PDE7B: variants seen among roughly 807,000 people sequenced by gnomAD.
PDE7B encodes phosphodiesterase 7B, also known as 3',5'-cyclic-AMP phosphodiesterase 7B.
PDE7B carries 29 observed loss-of-function variants against 56.2 expected under a neutral mutation model. The observed-to-expected ratio is 0.52, with a 90% CI of 0.38 to 0.70. The LOEUF is 0.70. Ranked by LOEUF, PDE7B falls within the 30% of genes least tolerant of loss-of-function variation. The pLI is 0.00. For synonymous variants in PDE7B, 197 were observed against 196.9 expected (o/e 1.00, Z 0.00); for missense variants, 490 against 565.0 (o/e 0.87, Z 1.35).
intron 2 of PDE7B, among the ~76,000 whole-genome samples, chr6:136,005,672 T>A (rs200112382): frequency 6.6e-6 from 1 of 152,114 alleles, no homozygotes; most frequent in African/African-American, 2.4e-5. Context: ...CTCACACCAG[T>A]TAGAATGGCA....
chr6:136,071,148 G>A (rs1353272114), intron 2 of PDE7B: 3 of 151,980 alleles, frequency 2.0e-5, no homozygotes, highest in African/African-American at 7.3e-5. Flanking sequence ...TTGAACCTTC[G>A]ACCCACTCTT....
chr6:136,153,975 G>T, intron 6 of PDE7B, 100 bp from the exon 7 acceptor site: 3 of 710,288 alleles, frequency 4.2e-6, no homozygotes, highest in South Asian at 3.4e-5. Context: ...CATTTTGGAG[G>T]CACTGATATT....
At position 136,096,204 on chromosome 6, in the gene PDE7B, T is replaced by G. The variant is rs191867439; in HGVS notation, c.83-12527T>G. 5 of 152,368 alleles carry G rather than the reference T, an allele frequency of 3.3e-5. No homozygotes were observed. The East Asian group carries it at 9.6e-4, about 29-fold the overall frequency. The allele number at this position is 152,368 out of a possible 1,614,324, so 9.4% of individuals were successfully genotyped here. A position where few individuals can be genotyped will look rare whatever the true frequency, so the allele number is the denominator to read the frequency against. ...CAGCAGACTTGGTGTGGAAGTCTCC[T>G]AAGAACAGACTATCTCCTGGGACTT... is the stretch of plus-strand genomic sequence containing the variant. On this transcript the variant is annotated intron_variant, in intron 2 of 12. Coordinates refer to ENST00000308191, the MANE Select transcript of PDE7B (RefSeq NM_018945.4).
intron 4 of PDE7B, among the ~76,000 whole-genome samples, chr6:136,147,839 T>G (rs1057204957): frequency 6.6e-6 from 1 of 152,232 alleles, no homozygotes; most frequent in African/African-American, 2.4e-5. Flanking sequence ...AGGGAATAAC[T>G]AATTTTTTTA....
intron 1 of PDE7B, among the ~76,000 whole-genome samples, chr6:135,858,987 G>A (rs753872327): frequency 1.3e-5 from 2 of 151,588 alleles, no homozygotes; most frequent in African/African-American, 2.4e-5. Context: ...TGTACAGCTT[G>A]TGCAGTTATG....
At chr6:136,092,283 A>C (rs916054805) in intron 2 of PDE7B, among the ~76,000 whole-genome samples, 4 of 152,254 alleles carry the variant, frequency 2.6e-5, no homozygotes, top group African/African-American at 9.6e-5. Context: ...GGGTTTGGAC[A>C]TGAAGAACTA....
At chr6:135,975,903 G>A (rs1469598937) in intron 2 of PDE7B, among the ~76,000 whole-genome samples, 1 of 152,168 alleles carries the variant, frequency 6.6e-6, no homozygotes, top group Non-Finnish European at 1.5e-5. Flanking sequence ...GTGAGCTGGA[G>A]AGGATGTCTC....
At chr6:136,054,053 A>G (rs540947883) in intron 2 of PDE7B, among the ~76,000 whole-genome samples, 2 of 151,772 alleles carry the variant, frequency 1.3e-5, no homozygotes, top group African/African-American at 4.8e-5. Context: ...GAAGCTCTTT[A>G]GTTTAATTAG....
chr6:135,949,258 T>C (rs560006645), intron 2 of PDE7B, among the ~76,000 whole-genome samples: 1 of 152,134 alleles, frequency 6.6e-6, no homozygotes, highest in Non-Finnish European at 1.5e-5. Flanking sequence ...TGACTGAATG[T>C]TTCTGTGTCC....
At chr6:135,932,382 C>G (rs1337785319) in intron 1 of PDE7B, among the ~76,000 whole-genome samples, 1 of 152,058 alleles carries the variant, frequency 6.6e-6, no homozygotes, top group Non-Finnish European at 1.5e-5. Flanking sequence ...GCTTATTTCA[C>G]ATGGCATGCC....
chr6:135,856,467 T>A (rs1241392807), intron 1 of PDE7B, among the ~76,000 whole-genome samples: 8 of 152,212 alleles, frequency 5.3e-5, no homozygotes, highest in Admixed American at 5.2e-4. Flanking sequence ...TGAAAACCTG[T>A]TGATAACTAA....
At chr6:135,902,482 A>C (rs1317835401) in intron 1 of PDE7B, among the ~76,000 whole-genome samples, 1 of 151,980 alleles carries the variant, frequency 6.6e-6, no homozygotes, top group African/African-American at 2.4e-5. Context: ...CAAATAAAAG[A>C]GTCCATAGTT....
intron 8 of PDE7B, among the ~76,000 whole-genome samples, chr6:136,163,327 C>T (rs1288729956): frequency 6.6e-6 from 1 of 152,218 alleles, no homozygotes; most frequent in African/African-American, 2.4e-5. Flanking sequence ...CTTGGGGTTG[C>T]ACCTTCTGAA....
intron 2 of PDE7B, among the ~76,000 whole-genome samples, chr6:135,956,367 G>A (rs1045307458): frequency 1.3e-5 from 2 of 152,178 alleles, no homozygotes; most frequent in African/African-American, 2.4e-5. Context: ...AAAAAGTGTT[G>A]CTTGGACTTA....
chr6:135,906,085 C>T (rs754387864), intron 1 of PDE7B, among the ~76,000 whole-genome samples: 4 of 152,052 alleles, frequency 2.6e-5, no homozygotes, highest in Non-Finnish European at 5.9e-5. Flanking sequence ...TTGGAAGTGA[C>T]GGTTCAGGAA....
intron 2 of PDE7B, among the ~76,000 whole-genome samples, chr6:136,076,517 G>A (rs111726519): frequency 6.6e-6 from 1 of 152,052 alleles, no homozygotes; most frequent in Non-Finnish European, 1.5e-5. Flanking sequence ...AACTTAGAAA[G>A]CCTCAGGAAT....
chr6:135,969,321 T>A (rs1372434554), intron 2 of PDE7B, among the ~76,000 whole-genome samples: 1 of 152,034 alleles, frequency 6.6e-6, no homozygotes, highest in East Asian at 1.9e-4. Flanking sequence ...AAATAAAAAT[T>A]TAAAAAATAA....
intron 11 of PDE7B, among the ~76,000 whole-genome samples, chr6:136,184,334 C>A (rs538400663): frequency 6.6e-6 from 1 of 152,224 alleles, no homozygotes; most frequent in South Asian, 2.1e-4. Context: ...TGATAGTGGT[C>A]ACAGGAGAAG....
chr6:135,949,940 G>A (rs17249385), intron 2 of PDE7B, among the ~76,000 whole-genome samples: 27,243 of 151,942 alleles, frequency 0.18, 2,835 homozygotes, highest in South Asian at 0.28. Flanking sequence ...TATTTAAGAC[G>A]GCTTAGATTT....
Sources: allele counts gnomAD v4.1 joint callset (sites outside exome capture counted in the v4.1 genomes callset), GRCh38; gene constraint gnomAD v4.1.1; transcripts MANE v1.5; gene names NCBI Gene and HGNC (gene_info 2026-07-23, HGNC 2026-07-21).